Variants in DAZAP1 observed in about 807,000 individuals in gnomAD.
DAZAP1 encodes the protein DAZ-associated protein 1.
A neutral mutation model predicts 60.1 loss-of-function variants in DAZAP1; 6 were observed. The ratio of observed to expected loss-of-function variants is 0.10; its 90% CI spans 0.05 to 0.20. DAZAP1 has a LOEUF of 0.20. Ranked by LOEUF, DAZAP1 falls within the 10% of genes least tolerant of loss-of-function variation. The pLI is 1.00. For synonymous variants in DAZAP1, 235 were observed against 215.9 expected (o/e 1.09, Z -0.78); for missense variants, 366 against 560.4 (o/e 0.65, Z 3.50).
At chr19:1,429,793 G>A (rs2083397269) in intron 8 of DAZAP1, among the ~76,000 whole-genome samples, 174 bp from the exon 9 acceptor site, 1 of 152,308 alleles carries the variant, frequency 6.6e-6, no homozygotes, top group East Asian at 1.9e-4. Context: ...CAAGGGGTGG[G>A]GAGTGCTTCT....
At chr19:1,424,620 C>T (rs1375203717) in intron 6 of DAZAP1, among the ~76,000 whole-genome samples, 2 of 151,970 alleles carry the variant, frequency 1.3e-5, no homozygotes, top group Non-Finnish European at 1.5e-5. Flanking sequence ...CTTCCGGGGG[C>T]CGTTGCCTGT....
At position 1,434,544 on chromosome 19, in the gene DAZAP1, T is replaced by G; in HGVS notation, c.1049-193T>G. The G allele has an allele frequency of 9.0e-6, 5 of 557,252 alleles. No homozygotes were observed. The highest frequency in any genetic ancestry group is 9.6e-6 in the Non-Finnish European group (3 of 314,046). The allele number at this position is 557,252 out of a possible 1,614,324, so 34.5% of individuals were successfully genotyped here. A position where few individuals can be genotyped will look rare whatever the true frequency, so the allele number is the denominator to read the frequency against. On this transcript the variant is annotated intron_variant, in intron 11 of 11. Transcript: ENST00000233078. The surrounding 1 kb of genome is among the most constrained non-coding windows in gnomAD (Gnocchi z 8.0). Reference sequence around the variant, plus strand: ...TTCTCTGTGTGTGCCCCTGCTCACATGTTTTTGAGGGAGAGAACATGCCCG... The same window carrying G: ...TTCTCTGTGTGTGCCCCTGCTCACAGGTTTTTGAGGGAGAGAACATGCCCG...
At position 1,434,765 on chromosome 19, in the gene DAZAP1, C is replaced by T. The variant is rs745768471; in HGVS notation, c.1077C>T (p.Phe359=). The change falls in exon 12 of 12, where the codon TTC becomes TTT. Residue 359 remains phenylalanine, a synonymous_variant. Transcript: ENST00000233078. This position sits in a 1 kb window ranked among gnomAD's most constrained non-coding sequence, Gnocchi z 8.0. The stretch of plus-strand genomic sequence containing the variant: ...GTTACGGGCAGGACTTGAGTGGCTT[C>T]GGACAGGGCTTCTCAGACCCCAGCC... ...YAGYGQDLSG[F]GQGFSDPSQQ... 8.1e-6 allele frequency: 13 copies of T among 1,612,838 alleles called. No homozygotes were observed. The highest frequency in any genetic ancestry group is 4.4e-5 in the South Asian group (4 of 91,062).
Position 1,418,107 on chromosome 19 carries a change from G to A in DAZAP1, c.71-97G>A, listed in dbSNP as rs561220968. ...GTGCAGCATCGCTCGGTGCGTGGCT[G>A]GTGGACTGGAGGAGTGTGCGTGCCG... is the stretch of plus-strand genomic sequence containing the variant. On this transcript the variant is annotated intron_variant, in intron 2 of 11. Transcript: ENST00000233078. The surrounding 1 kb of genome is among the most constrained non-coding windows in gnomAD (Gnocchi z 5.7). The A allele has an allele frequency of 7.7e-7, 1 of 1,298,708 alleles. No individual in the cohort carries two copies. Among genetic ancestry groups the A allele is most frequent in the East Asian group, 2.3e-5 (1 of 42,998 alleles). The allele number at this position is 1,298,708 out of a possible 1,614,324, so 80.4% of individuals were successfully genotyped here. A position where few individuals can be genotyped will look rare whatever the true frequency, so the allele number is the denominator to read the frequency against.
At chr19:1,429,755 G>C (rs1203364411) in intron 8 of DAZAP1, among the ~76,000 whole-genome samples, 3 of 152,230 alleles carry the variant, frequency 2.0e-5, no homozygotes, top group African/African-American at 7.2e-5. Context: ...GCAGGGCACA[G>C]AGGAGAGTGG....
chr19:1,414,852 A>C (rs906786707), intron 1 of DAZAP1, among the ~76,000 whole-genome samples: 2 of 151,812 alleles, frequency 1.3e-5, no homozygotes, highest in African/African-American at 4.8e-5. Context: ...TTAAGAGATG[A>C]GATCTCTGTC....
chr19:1,409,014 C>T (rs1186614795), intron 1 of DAZAP1, among the ~76,000 whole-genome samples: 1 of 152,234 alleles, frequency 6.6e-6, no homozygotes, highest in Non-Finnish European at 1.5e-5. Flanking sequence ...GCGCCTCTCG[C>T]ACCAGCTACA....
intron 1 of DAZAP1, among the ~76,000 whole-genome samples, chr19:1,411,698 C>T (rs2082836470): frequency 6.6e-6 from 1 of 152,236 alleles, no homozygotes; most frequent in Non-Finnish European, 1.5e-5. Flanking sequence ...GGCTCTAACC[C>T]TTGGCTTTGC....
chr19:1,410,180 G>A (rs757041328), intron 1 of DAZAP1: 1 of 152,266 alleles, frequency 6.6e-6, no homozygotes, highest in Non-Finnish European at 1.5e-5. Context: ...TCCATGTAAA[G>A]CTTGATGGGG....
At chr19:1,408,756 A>G (rs755620405) in intron 1 of DAZAP1, among the ~76,000 whole-genome samples, 11 of 151,886 alleles carry the variant, frequency 7.2e-5, no homozygotes, top group Non-Finnish European at 1.6e-4. Context: ...CCTGCTCCGG[A>G]CCCCGCGGGG....
In DAZAP1 at chr19:1,422,405, A is replaced by G. The variant is rs539820571; in HGVS notation, c.463+9A>G. The G allele has an allele frequency of 1.9e-5, 30 of 1,613,600 alleles. No individual in the cohort carries two copies. In the South Asian group the frequency reaches 3.3e-4, roughly 18 times the overall value. ...GAAGCAGAGGCCCCGAGGTAAGGGC[A>G]GATCTAGTTTGACCTCGGCCTTCTC... On this transcript the variant is annotated intron_variant, in intron 6 of 11. Coordinates refer to ENST00000233078, the MANE Select transcript of DAZAP1 (RefSeq NM_018959.4). The surrounding 1 kb of genome is among the most constrained non-coding windows in gnomAD (Gnocchi z 4.5).
At position 1,423,200 on chromosome 19, in the gene DAZAP1, A is replaced by G. The variant is rs4807927; in HGVS notation, c.463+804A>G. ...CGCCAGGTGGCGCCGCAGCATGCCC[A>G]CCATGCTGGAGCATAGTTTGCCATT... On this transcript the variant is annotated intron_variant, in intron 6 of 11. Coordinates refer to ENST00000233078, the MANE Select transcript of DAZAP1 (RefSeq NM_018959.4). This position sits in a 1 kb window ranked among gnomAD's most constrained non-coding sequence, Gnocchi z 6.8. 0.28 allele frequency among the ~76,000 whole-genome samples: 42,161 copies of G among 152,180 alleles called. 10,365 individuals are homozygous for G. Among genetic ancestry groups the G allele is most frequent in the African/African-American group, 0.64 (26,613 of 41,512 alleles).
chr19:1,421,021 G>A, intron 4 of DAZAP1, 127 bp from the exon 5 acceptor site: 1 of 747,478 alleles, frequency 1.3e-6, no homozygotes. Flanking sequence ...CGGGCTTGTG[G>A]AGTGTTCTGC....
chr19:1,417,353 C>T (rs2083016714), intron 1 of DAZAP1, 147 bp from the exon 2 acceptor site: 1 of 848,338 alleles, frequency 1.2e-6, no homozygotes, highest in Non-Finnish European at 1.9e-6. Flanking sequence ...CTCGCCATTG[C>T]TGTGAGCTTT....
In DAZAP1 at chr19:1,425,904, G is replaced by T; in HGVS notation, c.490G>T (p.Glu164Ter). 6.2e-7 allele frequency: 1 copy of T among 1,613,672 alleles called. No individual in the cohort carries two copies. Among genetic ancestry groups the T allele is most frequent in the South Asian group, 1.1e-5 (1 of 91,050 alleles). The change falls in exon 7 of 12, where the codon GAA becomes TAA. Residue 164 changes from glutamate to a stop codon, truncating the protein, a stop_gained. Coordinates refer to ENST00000233078, the MANE Select transcript of DAZAP1 (RefSeq NM_018959.4). LOFTEE classifies it high-confidence loss of function. The surrounding 1 kb of genome is among the most constrained non-coding windows in gnomAD (Gnocchi z 5.4). Reference sequence around the variant, plus strand: ...TTTTGGATTTATTACTTTCGAGGACGAACAATCAGTGGACCAGGCTGTCAA... The same window carrying T: ...TTTTGGATTTATTACTTTCGAGGACTAACAATCAGTGGACCAGGCTGTCAA... ...RGFGFITFED[E>*]QSVDQAVNMH...
chr19:1,432,348 G>C lies in DAZAP1; in HGVS notation c.872-166G>C. On this transcript the variant is annotated intron_variant, in intron 10 of 11. Coordinates refer to ENST00000233078, the MANE Select transcript of DAZAP1 (RefSeq NM_018959.4). This position sits in a 1 kb window ranked among gnomAD's most constrained non-coding sequence, Gnocchi z 4.9. ...TTCCTGGGGGGAGCGGCCCGGGACC[G>C]TGGCTCTGTGGTCCATTCTGTGGAT... The C allele has an allele frequency of 1.4e-6, 1 of 723,270 alleles. No individual in the cohort carries two copies. 44.8% of individuals were successfully genotyped at this position (723,270 alleles called of 1,614,324 possible). A position where few individuals can be genotyped will look rare whatever the true frequency, so the allele number is the denominator to read the frequency against.
intron 1 of DAZAP1, among the ~76,000 whole-genome samples, chr19:1,413,256 G>A (rs533572374): frequency 1.7e-4 from 26 of 152,330 alleles, no homozygotes; most frequent in African/African-American, 4.6e-4. Flanking sequence ...GCCCGCGCCC[G>A]GCTTCCTGGA....
intron 1 of DAZAP1, among the ~76,000 whole-genome samples, chr19:1,415,389 G>GTGTGTGTGTT (rs751334899): frequency 2.4e-5 from 3 of 127,578 alleles, no homozygotes; most frequent in African/African-American, 8.9e-5. Flanking sequence ...GTGTGTGTGT[G>GTGTGTGTGTT]TTTTGTTTTT....
chr19:1,422,201 G>T lies in DAZAP1; in HGVS notation c.415-147G>T. The T allele has an allele frequency of 1.5e-6, 1 of 675,494 alleles. No individual in the cohort carries two copies. Among genetic ancestry groups the T allele is most frequent in the South Asian group, 1.7e-5 (1 of 57,506 alleles). The allele number at this position is 675,494 out of a possible 1,614,324, so 41.8% of individuals were successfully genotyped here. ...AGCCTTTCTCAGACAGCAGCCCCAC[G>T]GAGCAGCTGTTGCCCGTGCACCTCC... On this transcript the variant is annotated intron_variant, in intron 5 of 11. Transcript: ENST00000233078. This position sits in a 1 kb window ranked among gnomAD's most constrained non-coding sequence, Gnocchi z 4.5.
Sources: gnomAD v4.1 joint callset for allele counts (sites outside exome capture counted in the v4.1 genomes callset) on GRCh38, gnomAD v4.1.1 for gene constraint, Gnocchi (gnomAD v3.1) non-coding constraint, MANE v1.5 for transcripts, NCBI Gene and HGNC (gene_info 2026-07-23, HGNC 2026-07-21) for gene names.